Variants in CNBD1 observed in about 807,000 individuals in gnomAD.
CNBD1 encodes cyclic nucleotide-binding domain-containing protein 1.
CNBD1 carries 71 observed loss-of-function variants against 54.4 expected under a neutral mutation model. That is an observed-to-expected ratio of 1.30 (90% confidence interval 1.08 to 1.59). The LOEUF (loss-of-function observed/expected upper bound fraction) is 1.59, where lower values mean the gene tolerates loss of function less well. Among genes scored for constraint, CNBD1 ranks in the 40% most tolerant of loss-of-function variants. CNBD1 has a pLI of 0.00. For synonymous variants in CNBD1, 182 were observed against 170.7 expected, an observed-to-expected ratio of 1.07 and a Z score of -0.51; for missense variants, 659 against 518.0, an observed-to-expected ratio of 1.27 and a Z score of -2.64.
At chr8:87,390,520 G>A (rs536972727) in intron 2 of CNBD1, among the ~76,000 whole-genome samples, 3 of 152,274 alleles carry the variant, frequency 2.0e-5, no homozygotes, top group East Asian at 1.9e-4. Context: ...TCAGAAAAAT[G>A]CAAATCAAAA....
intron 1 of CNBD1, among the ~76,000 whole-genome samples, chr8:86,881,618 A>G (rs1345247891): frequency 2.6e-5 from 4 of 152,240 alleles, no homozygotes; most frequent in Non-Finnish European, 5.9e-5. Context: ...ATTCAATGCT[A>G]TTGCCATTAA....
At position 87,370,343 on chromosome 8, in the gene CNBD1, A is replaced by C. The variant is rs1037703402; in HGVS notation, c.1304-12277A>C. On this transcript the variant is annotated intron_variant, in intron 10 of 10. Transcript: ENST00000518476. Reference sequence around the variant, plus strand: ...GGTTGAATTAGTTTACAGTCCCATCAACAGTGTAAAAGTGTTCCTATTTCT... The same window carrying C: ...GGTTGAATTAGTTTACAGTCCCATCCACAGTGTAAAAGTGTTCCTATTTCT... 5.9e-5 allele frequency among the ~76,000 whole-genome samples: 9 copies of C among 152,160 alleles called. 1 individual carries two copies. The highest frequency in any genetic ancestry group is 5.9e-4 in the Admixed American group (9 of 15,268).
At chr8:87,207,051 T>C (rs914477065) in intron 5 of CNBD1, among the ~76,000 whole-genome samples, 16 of 152,188 alleles carry the variant, frequency 1.1e-4, no homozygotes, top group Admixed American at 6.6e-4. Flanking sequence ...TTTCCCTCCA[T>C]GGTCTTCTTT....
In CNBD1 at chr8:86,904,792, A is replaced by G. The variant is rs534230149; in HGVS notation, c.159-289A>G. On this transcript the variant is annotated intron_variant, in intron 2 of 10. Coordinates refer to ENST00000518476, the MANE Select transcript of CNBD1 (RefSeq NM_173538.3). ...TTTTAATTCTGTAGTACATTATATA[A>G]AACTTTAATCAATTATAGAAATATG... 4.6e-5 allele frequency among the ~76,000 whole-genome samples: 7 copies of G among 152,246 alleles called. 1 individual carries two copies. The South Asian group carries it at 1.4e-3, about 32-fold the overall frequency.
At chr8:86,904,641 TG>T (rs1808988857) in intron 2 of CNBD1, among the ~76,000 whole-genome samples, 1 of 152,090 alleles carries the variant, frequency 6.6e-6, no homozygotes, top group South Asian at 2.1e-4. Context: ...CTTTTGTTCT[TG>T]TAACATATCT....
intron 2 of CNBD1, among the ~76,000 whole-genome samples, chr8:87,391,896 T>G (rs1563584472): frequency 6.6e-6 from 1 of 152,088 alleles, no homozygotes; most frequent in Non-Finnish European, 1.5e-5. Context: ...AAGAAAGTGA[T>G]GTGAATCCAC....
intron 6 of CNBD1, among the ~76,000 whole-genome samples, chr8:87,239,737 C>T (rs1289814342): frequency 3.3e-5 from 5 of 152,012 alleles, no homozygotes; most frequent in Non-Finnish European, 7.4e-5. Context: ...GTTAAAGCTC[C>T]AAGCATCTGC....
At chr8:87,164,940 C>T (rs950430935) in intron 4 of CNBD1, among the ~76,000 whole-genome samples, 1 of 151,388 alleles carries the variant, frequency 6.6e-6, no homozygotes. Flanking sequence ...CTTAGAACTA[C>T]TTTTGCTGCA....
chr8:87,030,694 G>C (rs1809762197), intron 4 of CNBD1, among the ~76,000 whole-genome samples: 1 of 152,010 alleles, frequency 6.6e-6, no homozygotes. Flanking sequence ...TGACATGTTT[G>C]CTTCATTATC....
chr8:86,963,788 C>T (rs1369721284), intron 4 of CNBD1, among the ~76,000 whole-genome samples: 2 of 152,134 alleles, frequency 1.3e-5, no homozygotes, highest in Non-Finnish European at 2.9e-5. Flanking sequence ...CCTAGAATCA[C>T]CCTAGCTCCT....
intron 6 of CNBD1, among the ~76,000 whole-genome samples, chr8:87,273,185 G>GA (rs1037489510): frequency 1.3e-5 from 2 of 151,826 alleles, no homozygotes; most frequent in Non-Finnish European, 2.9e-5. Context: ...ATAATGTTTA[G>GA]AAAATTATGA....
At chr8:87,049,873 A>G (rs1009098271) in intron 4 of CNBD1, among the ~76,000 whole-genome samples, 5 of 152,220 alleles carry the variant, frequency 3.3e-5, no homozygotes, top group African/African-American at 4.8e-5. Flanking sequence ...CTCTGGCACC[A>G]GAAGAGCCAC....
intron 3 of CNBD1, among the ~76,000 whole-genome samples, 156 bp downstream of exon 3, chr8:86,905,350 G>A (rs902866524): frequency 6.6e-6 from 1 of 152,086 alleles, no homozygotes; most frequent in Admixed American, 6.5e-5. Flanking sequence ...GAAATTAGTT[G>A]GTAAGGGTAA....
intron 6 of CNBD1, among the ~76,000 whole-genome samples, chr8:87,246,650 C>T (rs11992515): frequency 0.29 from 44,141 of 151,572 alleles, 7,110 homozygotes; most frequent in African/African-American, 0.44. Context: ...TCTTTCCATC[C>T]TGTCCCTTTT....
chr8:86,997,377 G>A (rs1447932495), intron 4 of CNBD1, among the ~76,000 whole-genome samples: 3 of 152,170 alleles, frequency 2.0e-5, no homozygotes, highest in African/African-American at 4.8e-5. Context: ...GTGTACACTA[G>A]GAGGAAGTTG....
chr8:87,217,237 A>G (rs777695130), intron 5 of CNBD1, among the ~76,000 whole-genome samples: 2 of 152,184 alleles, frequency 1.3e-5, no homozygotes, highest in Non-Finnish European at 2.9e-5. Flanking sequence ...CATTATAAAT[A>G]GACCAAAAGT....
intron 2 of CNBD1, among the ~76,000 whole-genome samples, chr8:87,418,832 A>G (rs1226885583): frequency 2.6e-5 from 4 of 151,966 alleles, no homozygotes; most frequent in African/African-American, 9.7e-5. Flanking sequence ...GAAGAAATTG[A>G]AACCCTTATA....
At chr8:87,327,934 G>T (rs1211741394) in intron 8 of CNBD1, among the ~76,000 whole-genome samples, 1 of 151,796 alleles carries the variant, frequency 6.6e-6, no homozygotes, top group Non-Finnish European at 1.5e-5. Flanking sequence ...GTAAGAGTCT[G>T]TGTGATTTTT....
chr8:87,222,976 T>C (rs1814375089), intron 5 of CNBD1, among the ~76,000 whole-genome samples: 1 of 151,832 alleles, frequency 6.6e-6, no homozygotes, highest in Non-Finnish European at 1.5e-5. Flanking sequence ...TTGATTTTGA[T>C]AAATTACTTT....
Sources: gnomAD v4.1 joint callset for allele counts (sites outside exome capture counted in the v4.1 genomes callset) on GRCh38, gnomAD v4.1.1 for gene constraint, MANE v1.5 for transcripts, NCBI Gene and HGNC (gene_info 2026-07-23, HGNC 2026-07-21) for gene names.